The following ADAM17 variants were observed in gnomAD, a reference collection of about 807,000 sequenced individuals.
ADAM17 encodes disintegrin and metalloproteinase domain-containing protein 17.
ADAM17 carries 39 observed loss-of-function variants against 96.7 expected under a neutral mutation model. That is an observed-to-expected ratio of 0.40 (90% CI 0.31 to 0.53). The LOEUF (loss-of-function observed/expected upper bound fraction) is 0.53. ADAM17 is among the 20% of genes least tolerant of loss of function. ADAM17 has a pLI of 0.44. For synonymous variants in ADAM17, 344 were observed against 359.2 expected (o/e 0.96, Z 0.48); for missense variants, 777 against 1,013.2 (o/e 0.77, Z 3.17).
At chr2:9,510,631 T>C (rs1291185575) in intron 10 of ADAM17, among the ~76,000 whole-genome samples, 1 of 145,126 alleles carries the variant, frequency 6.9e-6, no homozygotes, top group Non-Finnish European at 1.5e-5. Context: ...GCCATTGCAC[T>C]CCAGCCTGGG....
At chr2:9,497,811 G>C (rs949680174) in intron 13 of ADAM17, among the ~76,000 whole-genome samples, 3 of 152,160 alleles carry the variant, frequency 2.0e-5, no homozygotes, top group African/African-American at 7.2e-5. Flanking sequence ...AGGATGCTAA[G>C]TTGATGTGGC....
intron 4 of ADAM17, among the ~76,000 whole-genome samples, chr2:9,532,034 C>T (rs1664763257): frequency 6.6e-6 from 1 of 152,070 alleles, no homozygotes; most frequent in African/African-American, 2.4e-5. Context: ...TTGTTTGAGC[C>T]CAGGAGGTCA....
intron 8 of ADAM17, among the ~76,000 whole-genome samples, chr2:9,519,145 A>G (rs1233680275): frequency 6.6e-6 from 1 of 152,082 alleles, no homozygotes. Context: ...CCACTGCCTC[A>G]TCCTCAGCCT....
chr2:9,545,684 G>C (rs1665378130), intron 1 of ADAM17, among the ~76,000 whole-genome samples: 1 of 152,166 alleles, frequency 6.6e-6, no homozygotes, highest in African/African-American at 2.4e-5. Flanking sequence ...TTATTTTCAA[G>C]GACAAAAACC....
intron 5 of ADAM17, among the ~76,000 whole-genome samples, chr2:9,526,795 T>G (rs1664549927): frequency 1.3e-5 from 2 of 152,044 alleles, no homozygotes; most frequent in Admixed American, 6.6e-5. Context: ...AGACTTCATC[T>G]CTAAATAAAT....
Position 9,505,250 on chromosome 2 carries a change from T to C in ADAM17, c.1460A>G (p.Glu487Gly). The C allele has an allele frequency of 6.2e-7, 1 of 1,614,174 alleles. No individual in the cohort carries two copies. Among genetic ancestry groups the C allele is most frequent in the Non-Finnish European group, 8.5e-7 (1 of 1,180,038 alleles). Reference sequence around the variant, plus strand: ...ATACATGATGCCAGGATCACACTCTTCTCCTTCATCCACCCTCGAGTTCCC... The same window carrying C: ...ATACATGATGCCAGGATCACACTCTCCTCCTTCATCCACCCTCGAGTTCCC... ...VCGNSRVDEG[E>G]ECDPGIMYLN... Residue 487 changes from glutamate (E) to glycine (G), a missense_variant, in exon 12 of 19, where the codon GAA becomes GGA. By Grantham distance (98) the Glu-to-Gly change is moderately conservative (BLOSUM62 -2). Transcript: ENST00000310823.
At chr2:9,532,704 T>A (rs2125031698) in intron 4 of ADAM17, among the ~76,000 whole-genome samples, 1 of 143,102 alleles carries the variant, frequency 7.0e-6, no homozygotes, top group East Asian at 2.0e-4. Flanking sequence ...CCTGGGCTGG[T>A]CTCAAATTCC....
intron 7 of ADAM17, chr2:9,522,406 G>T (rs1346219220): frequency 1.6e-5 from 9 of 579,004 alleles, no homozygotes; most frequent in Admixed American, 4.6e-5. Flanking sequence ...ACTGGCTTTT[G>T]TACTGTGTAC....
intron 12 of ADAM17, among the ~76,000 whole-genome samples, chr2:9,504,621 G>A (rs1465175270): frequency 1.3e-5 from 2 of 151,194 alleles, no homozygotes; most frequent in Admixed American, 1.3e-4. Context: ...AAATTAGCCG[G>A]GCATGGTGGT....
intron 16 of ADAM17, among the ~76,000 whole-genome samples, chr2:9,493,228 C>T (rs1445449645): frequency 1.3e-5 from 2 of 152,122 alleles, no homozygotes; most frequent in East Asian, 1.9e-4. Context: ...AACATGTTAC[C>T]TGGAGTAGCT....
rs1663407450 is a variant in ADAM17, at chr2:9,506,517, C to T, written c.1345-1152G>A. On this transcript the variant is annotated intron_variant, in intron 11 of 18. Transcript: ENST00000310823. ...GAGTAGCTAGGACTACAGGTGCATG[C>T]CACCACGCCCAGCTAATTTTTGTAT... Among the ~76,000 whole-genome samples the T allele has an allele frequency of 2.0e-5, 3 of 151,926 alleles. No homozygotes were observed. The South Asian group carries it at 6.2e-4, about 32-fold the overall frequency.
At position 9,489,855 on chromosome 2, in the gene ADAM17, A is replaced by G. The variant is rs1661963417; in HGVS notation, c.*322T>C. The G allele has an allele frequency of 4.6e-6, 1 of 218,384 alleles. No individual in the cohort carries two copies. The highest frequency in any genetic ancestry group is 2.3e-5 in the African/African-American group (1 of 44,400). 13.5% of individuals were successfully genotyped at this position (218,384 alleles called of 1,614,324 possible). The stretch of plus-strand genomic sequence containing the variant: ...ATTTCCCTAGTCAGTGCTGTTATCA[A>G]TATAAAAGATTAATTTACAAAAACG... On this transcript the variant is annotated 3_prime_UTR_variant, in exon 19 of 19. Coordinates refer to ENST00000310823, the MANE Select transcript of ADAM17 (RefSeq NM_003183.6).
At position 9,527,812 on chromosome 2, in the gene ADAM17, C is replaced by G. The variant is rs775422299; in HGVS notation, c.593G>C (p.Gly198Ala). 1.3e-6 allele frequency: 2 copies of G among 1,597,272 alleles called. No homozygotes were observed. Among genetic ancestry groups the G allele is most frequent in the Admixed American group, 1.8e-5 (1 of 56,550 alleles). ...KVDNEELLPK[G>A]LVDREPPEEL... ...TTCAGGTGGTTCTCTGTCTACTAAC[C>G]CTTTTGGGAGCAACTCTTCATTATC... The change falls in exon 5 of 19, where the codon GGG becomes GCG. Residue 198 changes from glycine to alanine, a missense_variant. Gly to Ala is a moderately conservative substitution (Grantham distance 60). Around this residue, in one of 3 missense-constraint regions of ADAM17, gnomAD observed 446 missense variants for 664.7 expected, o/e 0.67. Coordinates refer to ENST00000310823, the MANE Select transcript of ADAM17 (RefSeq NM_003183.6).
rs2125027503 is a variant in ADAM17 at position 9,527,870 on chromosome 2, G to T, written c.535C>A (p.Gln179Lys). The T allele has an allele frequency of 6.2e-7, 1 of 1,601,262 alleles. No individual in the cohort carries two copies. The highest frequency in any genetic ancestry group is 8.5e-7 in the Non-Finnish European group (1 of 1,172,766). Residue 179 changes from glutamine (Q) to lysine (K), a missense_variant, in exon 5 of 19, where the codon CAG (glutamine) becomes AAG (lysine). Physicochemically the swap from Gln to Lys is moderately conservative, Grantham distance 53. Around this residue, in one of 3 missense-constraint regions of ADAM17, gnomAD observed 446 missense variants for 664.7 expected, o/e 0.67. Coordinates refer to ENST00000310823, the MANE Select transcript of ADAM17 (RefSeq NM_003183.6). Reference sequence around the variant, plus strand: ...AAATAACCACACACTTTTGGAGACTGCAAACGTGAAACATTCTTGATATCT... The same window carrying T: ...AAATAACCACACACTTTTGGAGACTTCAAACGTGAAACATTCTTGATATCT... ...SEDIKNVSRL[Q>K]SPKVCGYLKV...
At chr2:9,550,653 C>T (rs1331369728) in intron 1 of ADAM17, among the ~76,000 whole-genome samples, 1 of 151,742 alleles carries the variant, frequency 6.6e-6, no homozygotes, top group African/African-American at 2.4e-5. Context: ...CCATGTTGGT[C>T]AAGCTGGTCT....
rs955501834 is a variant in ADAM17, at chr2:9,536,954, A to G, written c.231-126T>C. Reference sequence around the variant, plus strand: ...ATAAAACACTATGCAAGTTACAACTAAAGTCTTATTAGGTACTTAGAGCAA... The same window carrying G: ...ATAAAACACTATGCAAGTTACAACTGAAGTCTTATTAGGTACTTAGAGCAA... On this transcript the variant is annotated intron_variant, in intron 2 of 18. Transcript: ENST00000310823. 8.0e-6 allele frequency: 9 copies of G among 1,128,098 alleles called. No homozygotes were observed. The African/African-American group carries it at 9.5e-5, about 12-fold the overall frequency. The allele number at this position is 1,128,098 out of a possible 1,614,324, so 69.9% of individuals were successfully genotyped here.
At chr2:9,521,338 A>G (rs1664301061) in intron 7 of ADAM17, 22 bp from the exon 8 acceptor site, 1 of 1,475,792 alleles carries the variant, frequency 6.8e-7, no homozygotes, top group South Asian at 1.1e-5. Flanking sequence ...GAGATCATAT[A>G]CTTAGAACAC....
chr2:9,512,081 A>T (rs576033280), intron 10 of ADAM17, among the ~76,000 whole-genome samples: 1 of 152,254 alleles, frequency 6.6e-6, no homozygotes. Flanking sequence ...CTGAAAAAAT[A>T]ATATTTTGCA....
At chr2:9,490,561 G>T in intron 18 of ADAM17, 43 bp from the exon 19 acceptor site, 1 of 1,544,286 alleles carries the variant, frequency 6.5e-7, no homozygotes, top group South Asian at 1.2e-5. Context: ...AATAAAAGAT[G>T]AATCGGAGGT....
Sources: gnomAD v4.1 joint callset for allele counts (sites outside exome capture counted in the v4.1 genomes callset) on GRCh38, gnomAD v4.1.1 for gene constraint, gnomAD v4.1.1 regional missense constraint, MANE v1.5 for transcripts, NCBI Gene and HGNC (gene_info 2026-07-23, HGNC 2026-07-21) for gene names.